Variants in PEX5L observed in about 807,000 individuals in gnomAD.
PEX5L encodes peroxisomal biogenesis factor 5 like, also known as PEX5-related protein.
Under a neutral mutation model 84.0 loss-of-function variants are expected in PEX5L, and 30 were observed. The ratio of observed to expected loss-of-function variants is 0.36; its 90% CI spans 0.27 to 0.48. The LOEUF (loss-of-function observed/expected upper bound fraction) is 0.48, where lower values mean the gene tolerates loss of function less well. Among genes scored for constraint, PEX5L ranks in the 20% least tolerant of loss-of-function variants. PEX5L has a pLI of 0.99. For missense variants in PEX5L, 533 were observed against 754.6 expected, an observed-to-expected ratio of 0.71 and a Z score of 3.44; for synonymous variants, 270 against 283.1, an observed-to-expected ratio of 0.95 and a Z score of 0.46.
intron 4 of PEX5L, 72 bp from the exon 5 acceptor site, chr3:179,880,195 G>T: frequency 2.2e-6 from 2 of 889,950 alleles, no homozygotes; most frequent in Non-Finnish European, 3.4e-6. Context: ...GTTTCAGTTG[G>T]GTACAGAAAG....
chr3:179,832,036 T>C (rs975839245), intron 8 of PEX5L, among the ~76,000 whole-genome samples: 1 of 152,114 alleles, frequency 6.6e-6, no homozygotes, highest in African/African-American at 2.4e-5. Flanking sequence ...ATGGAGTACA[T>C]AGGGCATTCT....
intron 2 of PEX5L, among the ~76,000 whole-genome samples, chr3:179,963,181 T>C (rs1447747927): frequency 6.6e-6 from 1 of 152,160 alleles, no homozygotes; most frequent in Non-Finnish European, 1.5e-5. Context: ...GAAGATGGAC[T>C]GGTAGAGGAG....
chr3:179,809,192 T>A (rs1403824894), intron 12 of PEX5L, among the ~76,000 whole-genome samples: 1 of 152,086 alleles, frequency 6.6e-6, no homozygotes, highest in African/African-American at 2.4e-5. Context: ...TTTATTATAC[T>A]TCACCTTGGG....
rs1036079053 is a variant in PEX5L at position 179,905,513 on chromosome 3, C to T, written c.94-7267G>A. Among the ~76,000 whole-genome samples the T allele has an allele frequency of 3.3e-5, 5 of 152,270 alleles. No individual in the cohort carries two copies. The South Asian group carries it at 8.3e-4, about 25-fold the overall frequency. On this transcript the variant is annotated intron_variant, in intron 2 of 14. Coordinates refer to ENST00000467460, the MANE Select transcript of PEX5L (RefSeq NM_016559.3). ...TGGTCTCGTGATCCGCCCGCCTCGA[C>T]CTCCCAAAGTGCTGGGATTACAGGC...
At chr3:179,814,351 A>G (rs1226326152) in intron 10 of PEX5L, among the ~76,000 whole-genome samples, 4 of 152,164 alleles carry the variant, frequency 2.6e-5, no homozygotes, top group Admixed American at 6.5e-5. Context: ...GCAACACCCA[A>G]TGAGATAGTT....
Position 179,808,421 on chromosome 3 carries a change from C to G in PEX5L, c.1369G>C (p.Val457Leu). The change falls in exon 13 of 15, where the codon GTG becomes CTG. Residue 457 changes from valine (V) to leucine (L), a missense_variant. By Grantham distance (32) the Val-to-Leu change is conservative (BLOSUM62 1). Transcript: ENST00000467460. The part of the protein sequence containing the change: ...SPVDSSVLEG[V>L]KELYLEAAHQ... Reference sequence around the variant, plus strand: ...GCAGCTTCCAGATATAATTCCTTCACCCCTTCCAGAACAGAGCTACAAGAG... The same window carrying G: ...GCAGCTTCCAGATATAATTCCTTCAGCCCTTCCAGAACAGAGCTACAAGAG... The G allele has an allele frequency of 1.3e-6, 2 of 1,548,868 alleles. No homozygotes were observed. The highest frequency in any genetic ancestry group is 1.7e-6 in the Non-Finnish European group (2 of 1,150,388).
intron 1 of PEX5L, among the ~76,000 whole-genome samples, chr3:179,974,605 CCAAA>C (rs978064604): frequency 6.6e-6 from 1 of 152,150 alleles, no homozygotes. Flanking sequence ...TTCTGAAACC[CCAAA>C]CACAGTATCT....
chr3:179,981,363 G>A (rs1561016393), intron 1 of PEX5L, among the ~76,000 whole-genome samples: 1 of 152,198 alleles, frequency 6.6e-6, no homozygotes, highest in Non-Finnish European at 1.5e-5. Context: ...GTGAGGAACG[G>A]ATTGGAGGAA....
intron 2 of PEX5L, among the ~76,000 whole-genome samples, chr3:179,938,087 C>T (rs181069799): frequency 1.3e-5 from 2 of 152,048 alleles, no homozygotes; most frequent in African/African-American, 4.8e-5. Context: ...AACCAGAAGG[C>T]ATACTAAATA....
intron 8 of PEX5L, among the ~76,000 whole-genome samples, chr3:179,841,360 A>T (rs1737218399): frequency 6.6e-6 from 1 of 152,040 alleles, no homozygotes. Flanking sequence ...TGTGTGTGTG[A>T]TGCCTGTTTT....
At chr3:179,938,229 A>T (rs1471224430) in intron 2 of PEX5L, among the ~76,000 whole-genome samples, 2 of 152,224 alleles carry the variant, frequency 1.3e-5, no homozygotes. Context: ...TAGGCAAGAA[A>T]TTCTTCCTTT....
At chr3:179,975,702 C>T (rs1361817307) in intron 1 of PEX5L, among the ~76,000 whole-genome samples, 1 of 152,180 alleles carries the variant, frequency 6.6e-6, no homozygotes. Context: ...TGTCAGGATT[C>T]AGTTCCTATC....
intron 14 of PEX5L, 57 bp from the exon 15 acceptor site, chr3:179,802,089 T>TAAACA (rs1393889090): frequency 2.4e-6 from 3 of 1,260,724 alleles, no homozygotes; most frequent in Non-Finnish European, 3.5e-6. Context: ...TTAGCAAATG[T>TAAACA]AAACAAAACA....
intron 2 of PEX5L, among the ~76,000 whole-genome samples, chr3:179,930,866 A>G (rs1252629915): frequency 1.3e-5 from 2 of 152,186 alleles, no homozygotes; most frequent in African/African-American, 4.8e-5. Flanking sequence ...TGAGAAAGAA[A>G]CGCTACTATT....
chr3:180,001,446 AC>A (rs1176218451), intron 1 of PEX5L, among the ~76,000 whole-genome samples: 3 of 150,820 alleles, frequency 2.0e-5, no homozygotes, highest in Admixed American at 1.3e-4. Flanking sequence ...TCTGATAAAA[AC>A]GAACTTGGTA....
intron 2 of PEX5L, among the ~76,000 whole-genome samples, chr3:179,912,703 A>C (rs1283739729): frequency 6.6e-6 from 1 of 152,208 alleles, no homozygotes; most frequent in East Asian, 1.9e-4. Context: ...ACAATATCAC[A>C]ATATTTTCTT....
chr3:179,966,499 C>T (rs1783377787), intron 2 of PEX5L, among the ~76,000 whole-genome samples: 1 of 152,188 alleles, frequency 6.6e-6, no homozygotes, highest in Non-Finnish European at 1.5e-5. Context: ...ATATTACCCT[C>T]ATCCTTTTTA....
intron 11 of PEX5L, among the ~76,000 whole-genome samples, chr3:179,810,650 G>T (rs1300217472): frequency 6.6e-6 from 1 of 152,156 alleles, no homozygotes; most frequent in Non-Finnish European, 1.5e-5. Context: ...AAGACTCTGA[G>T]GAGCAAGCCC....
chr3:179,964,203 G>A (rs976840084), intron 2 of PEX5L, among the ~76,000 whole-genome samples: 1 of 151,980 alleles, frequency 6.6e-6, no homozygotes, highest in Admixed American at 6.6e-5. Flanking sequence ...CCATCTTAAT[G>A]TCCATATGTA....
Sources: allele counts gnomAD v4.1 joint callset (sites outside exome capture counted in the v4.1 genomes callset), GRCh38; gene constraint gnomAD v4.1.1; transcripts MANE v1.5; gene names NCBI Gene and HGNC (gene_info 2026-07-23, HGNC 2026-07-21).